The following LIX1 variants were observed in gnomAD, a reference collection of about 807,000 sequenced individuals.
LIX1 encodes limb and CNS expressed 1.
LIX1 carries 24 observed loss-of-function variants against 33.4 expected under a neutral mutation model. The observed-to-expected ratio is 0.72, with a 90% CI of 0.52 to 1.01. LIX1 has a LOEUF of 1.01. Among genes scored for constraint, LIX1 ranks in the 50% least tolerant of loss-of-function variants. The probability of loss-of-function intolerance (pLI) is 0.00; values close to 1 mark genes in which losing one functional copy is unlikely to be tolerated. For missense variants in LIX1, 311 were observed against 339.2 expected, an observed-to-expected ratio of 0.92 and a Z score of 0.65; for synonymous variants, 124 against 124.0, an observed-to-expected ratio of 1.00 and a Z score of 0.00.
rs200733247 is a variant in LIX1, at chr5:97,142,475, T to C, written c.82+20A>G. 5.0e-4 allele frequency: 795 copies of C among 1,594,706 alleles called. 1 individual carries two copies. Among genetic ancestry groups the C allele is most frequent in the Admixed American group, 8.2e-4 (49 of 59,862 alleles). ...CTATTTTCTAAAAAGTCAAAAAACT[T>C]TTCCCCCTTCAGTACTTACAGTCTT... On this transcript the variant is annotated intron_variant, in intron 1 of 5. Transcript: ENST00000274382.
At chr5:97,114,443 G>C (rs2112777957) in intron 2 of LIX1, among the ~76,000 whole-genome samples, 1 of 152,258 alleles carries the variant, frequency 6.6e-6, no homozygotes, top group South Asian at 2.1e-4. Context: ...TTTTATCATA[G>C]ATTAAGATGA....
chr5:97,138,939 T>A (rs1229570568), intron 1 of LIX1, among the ~76,000 whole-genome samples: 4 of 152,170 alleles, frequency 2.6e-5, no homozygotes, highest in Non-Finnish European at 5.9e-5. Context: ...ATAATGCAAA[T>A]ATTCTGAAAT....
intron 1 of LIX1, 39 bp from the exon 2 acceptor site, chr5:97,124,668 G>A (rs2112788833): frequency 3.9e-6 from 6 of 1,558,006 alleles, no homozygotes; most frequent in Non-Finnish European, 5.2e-6. Flanking sequence ...ATTAAGGATG[G>A]ACATAATCTG....
chr5:97,120,726 G>T (rs887136852), intron 2 of LIX1, among the ~76,000 whole-genome samples: 4 of 152,144 alleles, frequency 2.6e-5, no homozygotes, highest in Non-Finnish European at 5.9e-5. Context: ...GATAAAACTG[G>T]AAGGGAAAGT....
chr5:97,099,836 C>T (rs1399372968), intron 4 of LIX1, among the ~76,000 whole-genome samples: 1 of 152,064 alleles, frequency 6.6e-6, no homozygotes, highest in Non-Finnish European at 1.5e-5. Flanking sequence ...GACTCCATCA[C>T]AAAAAAGAAA....
intron 3 of LIX1, among the ~76,000 whole-genome samples, chr5:97,105,654 T>C (rs1746977957): frequency 6.6e-6 from 1 of 152,228 alleles, no homozygotes; most frequent in Non-Finnish European, 1.5e-5. Flanking sequence ...CCAGGCAAGA[T>C]TACATAATTG....
At chr5:97,097,506 A>T (rs1746448759) in intron 4 of LIX1, among the ~76,000 whole-genome samples, 1 of 152,204 alleles carries the variant, frequency 6.6e-6, no homozygotes, top group South Asian at 2.1e-4. Context: ...TTCTAGTAAG[A>T]TACAAAAGGA....
chr5:97,101,725 AAT>A (rs1354475793), intron 4 of LIX1: 1 of 152,154 alleles, frequency 6.6e-6, no homozygotes, highest in African/African-American at 2.4e-5. Flanking sequence ...GTGGAGAGAA[AAT>A]GCTCACTGCT....
rs369479090 is a variant in LIX1, at chr5:97,124,619, C to T, written c.93G>A (p.Val31=). The change falls in exon 2 of 6, where the codon GTG becomes GTA. Residue 31 remains valine, a synonymous_variant. Coordinates refer to ENST00000274382, the MANE Select transcript of LIX1 (RefSeq NM_153234.5). ...PALVFKDLNV[V]SMLQEFWESK... is the part of the protein sequence containing the mutation. ...TTTCCCAAAATTCCTGTAACATTGACACAACGTTCACTGAAAAAGACAAGA... is the reference window on the plus strand; with the variant it reads ...TTTCCCAAAATTCCTGTAACATTGATACAACGTTCACTGAAAAAGACAAGA... The T allele has an allele frequency of 3.7e-6, 6 of 1,609,466 alleles. No homozygotes were observed. Among genetic ancestry groups the T allele is most frequent in the Non-Finnish European group, 4.2e-6 (5 of 1,177,650 alleles).
intron 2 of LIX1, among the ~76,000 whole-genome samples, chr5:97,121,404 T>G (rs1258896622): frequency 6.6e-6 from 1 of 152,142 alleles, no homozygotes; most frequent in African/African-American, 2.4e-5. Context: ...CTAGAGCTCT[T>G]ACTAAATTGA....
At position 97,111,200 on chromosome 5, in the gene LIX1, G is replaced by A. The variant is rs112245941; in HGVS notation, c.247-3700C>T. 5.8e-3 allele frequency among the ~76,000 whole-genome samples: 890 copies of A among 152,188 alleles called. 3 individuals carry two copies. The highest frequency in any genetic ancestry group is 8.2e-3 in the Non-Finnish European group (557 of 68,004). On this transcript the variant is annotated intron_variant, in intron 2 of 5. Coordinates refer to ENST00000274382, the MANE Select transcript of LIX1 (RefSeq NM_153234.5). ...AGAGCCTATGACTTAGTTGTCTCCC[G>A]CCTCCTGTGACCTAGTTTGCTGAAT...
intron 1 of LIX1, among the ~76,000 whole-genome samples, chr5:97,125,686 A>G (rs537493867): frequency 6.6e-6 from 1 of 152,334 alleles, no homozygotes; most frequent in South Asian, 2.1e-4. Context: ...CAGGTTTAAA[A>G]GCAGTATAAG....
At chr5:97,119,951 G>A (rs1336536149) in intron 2 of LIX1, among the ~76,000 whole-genome samples, 2 of 152,120 alleles carry the variant, frequency 1.3e-5, no homozygotes, top group East Asian at 3.8e-4. Context: ...TCTAGATAGA[G>A]TATAATGAAT....
intron 5 of LIX1, 109 bp from the exon 6 acceptor site, chr5:97,095,144 A>G (rs1360619341): frequency 2.9e-6 from 3 of 1,018,478 alleles, no homozygotes; most frequent in African/African-American, 1.6e-5. Flanking sequence ...CAACAACCCC[A>G]TCTCTCTCAT....
intron 2 of LIX1, among the ~76,000 whole-genome samples, chr5:97,120,419 G>C (rs976005776): frequency 6.6e-6 from 1 of 152,182 alleles, no homozygotes; most frequent in Admixed American, 6.6e-5. Flanking sequence ...TTTCAGTAAA[G>C]GGAAAGAACA....
intron 1 of LIX1, among the ~76,000 whole-genome samples, chr5:97,125,251 CAT>C (rs1366951658): frequency 1.3e-5 from 2 of 152,154 alleles, no homozygotes; most frequent in African/African-American, 4.8e-5. Context: ...TTTCAGAAAA[CAT>C]AGTAATGGCT....
chr5:97,097,284 T>C (rs1933917520), intron 4 of LIX1, among the ~76,000 whole-genome samples: 1 of 152,210 alleles, frequency 6.6e-6, no homozygotes, highest in Admixed American at 6.5e-5. Flanking sequence ...TCTTAAATGG[T>C]CACTTTTAGA....
At position 97,094,777 on chromosome 5, in the gene LIX1, T is replaced by A; in HGVS notation, c.820A>T (p.Ser274Cys). The A allele has an allele frequency of 6.2e-7, 1 of 1,614,156 alleles. No individual in the cohort carries two copies. The highest frequency in any genetic ancestry group is 8.5e-7 in the Non-Finnish European group (1 of 1,179,998). ...TGATAGCCACACAGGGCCGTAAGGC[T>A]CAGCTGATCATCACTGGGTGAGGAA... The part of the protein sequence containing the change: ...DTSSPSDDQL[S>C]LTALCGYH The change falls in exon 6 of 6, where the codon AGC (serine) becomes TGC (cysteine). Residue 274 changes from serine (S) to cysteine (C), a missense_variant. Ser to Cys is a moderately radical substitution (Grantham distance 112). Transcript: ENST00000274382.
intron 2 of LIX1, among the ~76,000 whole-genome samples, chr5:97,120,872 A>T (rs992470532): frequency 6.6e-6 from 1 of 152,156 alleles, no homozygotes; most frequent in Non-Finnish European, 1.5e-5. Context: ...AGTTGCAAAG[A>T]TTGTAAAGAG....
Sources: allele counts gnomAD v4.1 joint callset (sites outside exome capture counted in the v4.1 genomes callset), GRCh38; gene constraint gnomAD v4.1.1; transcripts MANE v1.5; gene names NCBI Gene and HGNC (gene_info 2026-07-23, HGNC 2026-07-21).